Variants in FAHD2B observed in about 807,000 individuals in gnomAD.
The protein encoded by FAHD2B is oxaloacetate tautomerase FAHD2B, mitochondrial.
Under a neutral mutation model 33.7 loss-of-function variants are expected in FAHD2B, and 26 were observed. That is an observed-to-expected ratio of 0.77 (90% CI 0.57 to 1.07). The LOEUF is 1.07. FAHD2B is among the 50% of genes least tolerant of loss of function. FAHD2B has a pLI of 0.00. For missense variants in FAHD2B, 272 were observed against 388.1 expected, an observed-to-expected ratio of 0.70 and a Z score of 2.51; for synonymous variants, 108 against 150.9, an observed-to-expected ratio of 0.72 and a Z score of 2.08.
At chr2:97,088,099 G>A (rs2032105673) in intron 4 of FAHD2B, among the ~76,000 whole-genome samples, 1 of 152,230 alleles carries the variant, frequency 6.6e-6, no homozygotes, top group Non-Finnish European at 1.5e-5. Flanking sequence ...TTGAGGTCAG[G>A]AGTTGGCAAA....
At chr2:97,092,845 C>T (rs1308528004) in intron 1 of FAHD2B, among the ~76,000 whole-genome samples, 1 of 151,136 alleles carries the variant, frequency 6.6e-6, no homozygotes, top group Non-Finnish European at 1.5e-5. Context: ...TGGTGGCGGG[C>T]ACCTGTAATC....
At chr2:97,091,752 C>T in intron 2 of FAHD2B, 40 bp from the exon 3 acceptor site, 2 of 1,578,906 alleles carry the variant, frequency 1.3e-6, no homozygotes, top group Non-Finnish European at 1.7e-6. Context: ...TGGAGGATCT[C>T]AGAGCCATCA....
At chr2:97,086,263 C>T in intron 4 of FAHD2B, 65 bp from the exon 5 acceptor site, 6 of 1,583,768 alleles carry the variant, frequency 3.8e-6, no homozygotes, top group African/African-American at 2.7e-5. Context: ...TGCTCAGAGG[C>T]TGTACGCCAT....
intron 1 of FAHD2B, among the ~76,000 whole-genome samples, chr2:97,092,965 C>CAAAA (rs748844060): frequency 9.3e-5 from 6 of 64,184 alleles, no homozygotes; most frequent in Non-Finnish European, 1.6e-4. Context: ...AGAGCGACTC[C>CAAAA]AAAAAAAAAA....
rs930865563 is a variant in FAHD2B, at chr2:97,086,309, G to A, written c.463-111C>T. 6.8e-6 allele frequency: 10 copies of A among 1,460,920 alleles called. No individual in the cohort carries two copies. In the African/African-American group the frequency reaches 8.4e-5, roughly 12 times the overall value. 90.5% of individuals were successfully genotyped at this position (1,460,920 alleles called of 1,614,324 possible). A position where few individuals can be genotyped will look rare whatever the true frequency, so the allele number is the denominator to read the frequency against. ...CAGTATGGCTTGGCTGCCATCCCAC[G>A]TTTGCCATCACCCTGAACCAGAGCC... On this transcript the variant is annotated intron_variant, in intron 4 of 8. Coordinates refer to ENST00000414820, the MANE Select transcript of FAHD2B (RefSeq NM_001320848.2).
At position 97,084,293 on chromosome 2, in the gene FAHD2B, G is replaced by A. The variant is rs2031811148; in HGVS notation, c.686-16C>T. 6.2e-7 allele frequency: 1 copy of A among 1,612,368 alleles called. No individual in the cohort carries two copies. The highest frequency in any genetic ancestry group is 8.5e-7 in the Non-Finnish European group (1 of 1,179,650). On this transcript the variant is annotated splice_polypyrimidine_tract_variant and intron_variant, in intron 6 of 8. Coordinates refer to ENST00000414820, the MANE Select transcript of FAHD2B (RefSeq NM_001320848.2). ...TTGTGTGGATCTGAAATGCAAAGATGGAACCTTGGAGTTATCCCTTTTCCC... is the reference window on the plus strand; with the variant it reads ...TTGTGTGGATCTGAAATGCAAAGATAGAACCTTGGAGTTATCCCTTTTCCC...
chr2:97,081,842 T>C (rs1348981163), downstream of FAHD2B: 1 of 548,214 alleles, frequency 1.8e-6, no homozygotes. Flanking sequence ...TTCCTCTCAC[T>C]CTGCAAGTTG....
chr2:97,085,225 A>G (rs1218877181), intron 6 of FAHD2B, among the ~76,000 whole-genome samples: 1 of 150,524 alleles, frequency 6.6e-6, no homozygotes, highest in Admixed American at 6.7e-5. Flanking sequence ...CTGTGTGTTA[A>G]GAGGCTGCGC....
downstream of FAHD2B, chr2:97,081,122 T>C (rs932929992): frequency 1.1e-5 from 16 of 1,501,940 alleles, no homozygotes; most frequent in African/African-American, 2.1e-4. Context: ...CGGGGGCTGC[T>C]GGCAGGCAGA....
chr2:97,079,658 T>TATTTTA (rs200208410), downstream of FAHD2B, among the ~76,000 whole-genome samples: 1 of 151,298 alleles, frequency 6.6e-6, no homozygotes. Flanking sequence ...TATTTTATTT[T>TATTTTA]TTCTTTTCTT....
downstream of FAHD2B, chr2:97,081,479 C>T: frequency 2.5e-6 from 4 of 1,583,884 alleles, no homozygotes; most frequent in Non-Finnish European, 3.4e-6. Flanking sequence ...AGGTGCTGGA[C>T]AGGCTCATCC....
intron 3 of FAHD2B, 92 bp from the exon 4 acceptor site, chr2:97,090,417 T>G: frequency 6.8e-7 from 1 of 1,472,556 alleles, no homozygotes; most frequent in Non-Finnish European, 9.0e-7. Context: ...CTACAGGTTT[T>G]GCTTTTTGAA....
intron 6 of FAHD2B, among the ~76,000 whole-genome samples, chr2:97,084,994 C>CGGAT: frequency 4.6e-5 from 7 of 151,912 alleles, no homozygotes; most frequent in African/African-American, 1.4e-4. Flanking sequence ...GTGTATCAGC[C>CGGAT]GCTGGCAGGG....
intron 8 of FAHD2B, 65 bp from the exon 9 acceptor site, chr2:97,083,882 C>T: frequency 1.2e-6 from 2 of 1,614,064 alleles, no homozygotes; most frequent in Non-Finnish European, 1.7e-6. Flanking sequence ...GCCTGTACTT[C>T]TCAAGTCTGA....
At chr2:97,083,257 T>C, downstream of FAHD2B, 6 of 1,607,726 alleles carry the variant, frequency 3.7e-6, no homozygotes, top group Non-Finnish European at 5.1e-6. Context: ...CATTTGTAGC[T>C]AGAACTGTGA....
intron 4 of FAHD2B, chr2:97,087,044 G>A (rs6705666): frequency 6.6e-6 from 1 of 152,176 alleles, no homozygotes; most frequent in Non-Finnish European, 1.5e-5. Flanking sequence ...GAATAAAGAG[G>A]GAGGCAGCTT....
chr2:97,084,439 C>T (rs2031826577), intron 6 of FAHD2B, among the ~76,000 whole-genome samples, 162 bp from the exon 7 acceptor site: 1 of 151,998 alleles, frequency 6.6e-6, no homozygotes. Context: ...TCTGTATAGA[C>T]ACTGGCCTTC....
At chr2:97,084,843 G>A (rs1385242797) in intron 6 of FAHD2B, among the ~76,000 whole-genome samples, 9 of 149,622 alleles carry the variant, frequency 6.0e-5, no homozygotes, top group Admixed American at 4.7e-4. Context: ...AACCCAGGAG[G>A]TTGAGGCTTC....
At position 97,085,611 on chromosome 2, in the gene FAHD2B, G is replaced by A; in HGVS notation, c.685+88C>T. The A allele has an allele frequency of 1.9e-6, 3 of 1,553,706 alleles. No individual in the cohort carries two copies. The South Asian group carries it at 3.7e-5, about 19-fold the overall frequency. ...CAAAGGGCAGCCAGGGAGGGCAGGT[G>A]CCACATGTACCTGAACCCATGCTCC... is the stretch of plus-strand genomic sequence containing the variant. On this transcript the variant is annotated intron_variant, in intron 6 of 8. Coordinates refer to ENST00000414820, the MANE Select transcript of FAHD2B (RefSeq NM_001320848.2).
Sources: gnomAD v4.1 joint callset for allele counts (sites outside exome capture counted in the v4.1 genomes callset) on GRCh38, gnomAD v4.1.1 for gene constraint, MANE v1.5 for transcripts, NCBI Gene and HGNC (gene_info 2026-07-23, HGNC 2026-07-21) for gene names.